The following NEDD4 variants were observed in gnomAD, a reference collection of about 807,000 sequenced individuals.
NEDD4 encodes E3 ubiquitin-protein ligase NEDD4.
NEDD4 carries 99 observed loss-of-function variants against 144.9 expected under a neutral mutation model. That is an observed-to-expected ratio of 0.68 (90% CI 0.58 to 0.81). The LOEUF (loss-of-function observed/expected upper bound fraction) is 0.81, where lower values mean the gene tolerates loss of function less well. Among genes scored for constraint, NEDD4 ranks in the 30% least tolerant of loss-of-function variants. The probability of loss-of-function intolerance (pLI) is 0.00; values close to 1 mark genes in which losing one functional copy is unlikely to be tolerated. For missense variants in NEDD4, 985 were observed against 1,065.9 expected, an observed-to-expected ratio of 0.92 and a Z score of 1.06; for synonymous variants, 318 against 350.6, an observed-to-expected ratio of 0.91 and a Z score of 1.04.
In NEDD4 at chr15:55,951,416, T is replaced by TA; in HGVS notation, c.199-3dup. ...TTCATTCCACTTTGGATTCAAACTC[T>TA]AAAAAATAATAAACATAGTATAACT... On this transcript the variant is annotated splice_region_variant and splice_polypyrimidine_tract_variant and intron_variant, in intron 3 of 28. Transcript: ENST00000435532. The TA allele has an allele frequency of 9.1e-7, 1 of 1,098,528 alleles. No individual in the cohort carries two copies. The highest frequency in any genetic ancestry group is 1.3e-6 in the Non-Finnish European group (1 of 770,232). The allele number at this position is 1,098,528 out of a possible 1,614,324, so 68.0% of individuals were successfully genotyped here.
At chr15:55,948,671 T>C (rs1451021832) in intron 4 of NEDD4, among the ~76,000 whole-genome samples, 1 of 152,182 alleles carries the variant, frequency 6.6e-6, no homozygotes, top group African/African-American at 2.4e-5. Context: ...CCATCTGATC[T>C]TTGACAAACC....
chr15:55,868,256 T>C (rs568209514), intron 8 of NEDD4, among the ~76,000 whole-genome samples: 4 of 152,156 alleles, frequency 2.6e-5, no homozygotes, highest in Admixed American at 1.3e-4. Context: ...ACTGTTCTTA[T>C]GGAGACCTAA....
intron 5 of NEDD4, among the ~76,000 whole-genome samples, chr15:55,897,796 G>A (rs1436687187): frequency 6.6e-6 from 1 of 152,152 alleles, no homozygotes; most frequent in Non-Finnish European, 1.5e-5. Flanking sequence ...TTTGCTTCAA[G>A]TTGTGGCAAG....
At chr15:55,951,244 C>T in intron 4 of NEDD4, 132 bp downstream of exon 4, 1 of 474,610 alleles carries the variant, frequency 2.1e-6, no homozygotes, top group Non-Finnish European at 3.7e-6. Context: ...ATTTCAATTC[C>T]TTTTGTATTT....
intron 1 of NEDD4, among the ~76,000 whole-genome samples, chr15:55,988,847 A>G (rs1308392201): frequency 6.6e-6 from 1 of 152,048 alleles, no homozygotes; most frequent in Non-Finnish European, 1.5e-5. Flanking sequence ...GTGATGGAAC[A>G]ATTGCAGTGA....
chr15:55,944,548 T>C (rs1406126654), intron 4 of NEDD4, among the ~76,000 whole-genome samples: 1 of 152,212 alleles, frequency 6.6e-6, no homozygotes, highest in African/African-American at 2.4e-5. Flanking sequence ...AGACTCAACC[T>C]CTGTGAGCAG....
intron 2 of NEDD4, among the ~76,000 whole-genome samples, chr15:55,965,415 T>C (rs181439569): frequency 8.5e-4 from 129 of 152,226 alleles, no homozygotes; most frequent in Non-Finnish European, 1.6e-3. Context: ...TTGCCCAGGC[T>C]GGTCTCAAAC....
At position 55,869,728 on chromosome 15, in the gene NEDD4, A is replaced by G. The variant is rs1216413624; in HGVS notation, c.405-47T>C. 5.8e-6 allele frequency: 7 copies of G among 1,198,066 alleles called. No homozygotes were observed. In the East Asian group the frequency reaches 1.8e-4, roughly 31 times the overall value. 74.2% of individuals were successfully genotyped at this position (1,198,066 alleles called of 1,614,324 possible). A position where few individuals can be genotyped will look rare whatever the true frequency, so the allele number is the denominator to read the frequency against. On this transcript the variant is annotated intron_variant, in intron 7 of 28. Coordinates refer to ENST00000435532, the MANE Select transcript of NEDD4 (RefSeq NM_006154.4). ...TTCATAAAACTTTAACACCGGGAGA[A>G]AAGTATTCAATTAATAAGAGTTTAA...
At chr15:55,851,708 C>CTGG (rs1177613348) in intron 13 of NEDD4, among the ~76,000 whole-genome samples, 12 of 152,038 alleles carry the variant, frequency 7.9e-5, no homozygotes, top group Admixed American at 5.2e-4. Flanking sequence ...AACTCCCGAC[C>CTGG]TCAGGTGATC....
intron 5 of NEDD4, among the ~76,000 whole-genome samples, chr15:55,908,362 T>C (rs1170643894): frequency 6.6e-6 from 1 of 152,196 alleles, no homozygotes; most frequent in Non-Finnish European, 1.5e-5. Flanking sequence ...CATATCTCCA[T>C]CTTTAACTTT....
intron 4 of NEDD4, among the ~76,000 whole-genome samples, chr15:55,950,431 T>G (rs1735741145): frequency 6.6e-6 from 1 of 152,194 alleles, no homozygotes; most frequent in African/African-American, 2.4e-5. Flanking sequence ...TCTTTAAACA[T>G]GAAGTACAGA....
chr15:55,964,066 G>A (rs58703788), intron 2 of NEDD4, among the ~76,000 whole-genome samples: 20,391 of 151,944 alleles, frequency 0.13, 1,462 homozygotes, highest in East Asian at 0.32. Flanking sequence ...TCAACAGTTT[G>A]ACTATTATGC....
intron 1 of NEDD4, among the ~76,000 whole-genome samples, chr15:55,986,227 T>G (rs1046782162): frequency 1.3e-5 from 2 of 152,214 alleles, no homozygotes; most frequent in African/African-American, 2.4e-5. Context: ...TTGGTTCAGA[T>G]AGAATTCATC....
At chr15:55,830,827 G>A (rs2032914038) in intron 27 of NEDD4, among the ~76,000 whole-genome samples, 1 of 152,144 alleles carries the variant, frequency 6.6e-6, no homozygotes, top group Non-Finnish European at 1.5e-5. Flanking sequence ...AGTCTCCTGA[G>A]TAGCCAGGAC....
chr15:55,956,473 G>C (rs2037339668), intron 2 of NEDD4, among the ~76,000 whole-genome samples: 1 of 152,088 alleles, frequency 6.6e-6, no homozygotes, highest in Non-Finnish European at 1.5e-5. Flanking sequence ...TGTGTGGTAA[G>C]GACCAAGATT....
intron 8 of NEDD4, 89 bp from the exon 9 acceptor site, chr15:55,863,168 A>G: frequency 8.5e-7 from 1 of 1,179,214 alleles, no homozygotes; most frequent in Non-Finnish European, 1.1e-6. Context: ...AAAGAGATTT[A>G]TTATATCAAG....
chr15:55,949,378 T>C (rs2037187092), intron 4 of NEDD4, among the ~76,000 whole-genome samples: 1 of 152,234 alleles, frequency 6.6e-6, no homozygotes, highest in East Asian at 1.9e-4. Context: ...TCAACCATTG[T>C]GGAAGACAGT....
At chr15:55,928,287 C>A (rs1351613971) in intron 4 of NEDD4, among the ~76,000 whole-genome samples, 1 of 152,236 alleles carries the variant, frequency 6.6e-6, no homozygotes, top group Non-Finnish European at 1.5e-5. Flanking sequence ...GCTGGGATTA[C>A]AGGCGTGAGC....
At position 55,886,492 on chromosome 15, in the gene NEDD4, C is replaced by T. The variant is rs111606373; in HGVS notation, c.292-12484G>A. ...TTTTAAAAAATTGAAATGGGCCAGG[C>T]GTGGTTGCTCACGCCTCTAATCCCA... On this transcript the variant is annotated intron_variant, in intron 5 of 28. Transcript: ENST00000435532. Among the ~76,000 whole-genome samples, 5 of 152,268 alleles carry T rather than the reference C, an allele frequency of 3.3e-5. 1 individual carries two copies. The highest frequency in any genetic ancestry group is 2.1e-4 in the South Asian group (1 of 4,828).
Sources: allele counts gnomAD v4.1 joint callset (sites outside exome capture counted in the v4.1 genomes callset), GRCh38; gene constraint gnomAD v4.1.1; transcripts MANE v1.5; gene names NCBI Gene and HGNC (gene_info 2026-07-23, HGNC 2026-07-21).